The following SEMA3A variants were observed in gnomAD, a reference collection of about 807,000 sequenced individuals.
The protein encoded by SEMA3A is semaphorin 3A, also known as semaphorin-3A.
Under a neutral mutation model 97.9 loss-of-function variants are expected in SEMA3A, and 29 were observed. That is an observed-to-expected ratio of 0.30 (90% CI 0.22 to 0.40). SEMA3A has a LOEUF of 0.40. Among genes scored for constraint, SEMA3A ranks in the 10% least tolerant of loss-of-function variants. The pLI is 1.00. For missense variants in SEMA3A, 763 were observed against 951.3 expected (o/e 0.80, Z 2.60); for synonymous variants, 321 against 323.7 (o/e 0.99, Z 0.09).
Position 83,974,914 on chromosome 7 carries a change from A to G in SEMA3A, c.1717+2218T>C, listed in dbSNP as rs999584436. ...GTTTACCACAACCCTCCCCCAAAAG[A>G]CCCTGTAACACTGAACAGTTGCACT... On this transcript the variant is annotated intron_variant, in intron 15 of 16. Coordinates refer to ENST00000265362, the MANE Select transcript of SEMA3A (RefSeq NM_006080.3). Among the ~76,000 whole-genome samples the G allele has an allele frequency of 2.0e-5, 3 of 151,950 alleles. 1 individual carries two copies. Among genetic ancestry groups the G allele is most frequent in the Non-Finnish European group, 4.4e-5 (3 of 67,978 alleles).
intron 4 of SEMA3A, among the ~76,000 whole-genome samples, chr7:84,098,651 G>T (rs576351720): frequency 6.6e-6 from 1 of 152,040 alleles, no homozygotes; most frequent in Admixed American, 6.6e-5. Context: ...TTTCAAGAAG[G>T]TTCTTGATAA....
chr7:84,005,399 T>C lies in SEMA3A; in HGVS notation c.1300A>G (p.Ile434Val). Residue 434 changes from isoleucine to valine, a missense_variant, in exon 11 of 17, where the codon ATT (isoleucine) becomes GTT (valine). Coordinates refer to ENST00000265362, the MANE Select transcript of SEMA3A (RefSeq NM_006080.3). ...KTDVNYQFTQ[I>V]VVDRVDAEDG... The stretch of plus-strand genomic sequence containing the variant: ...TCTGCATCCACTCGGTCTACGACAA[T>C]TTGTGTAAATTGATAATTTACATCC... The C allele has an allele frequency of 6.2e-7, 1 of 1,613,800 alleles. No homozygotes were observed. The highest frequency in any genetic ancestry group is 8.5e-7 in the Non-Finnish European group (1 of 1,179,776).
At chr7:84,476,622 C>G (rs1415771531) in intron 1 of SEMA3A, among the ~76,000 whole-genome samples, 1 of 151,968 alleles carries the variant, frequency 6.6e-6, no homozygotes, top group Admixed American at 6.6e-5. Context: ...TATTGTGTTG[C>G]TATTACCTAG....
At chr7:84,390,016 A>T (rs2116170549) in intron 1 of SEMA3A, among the ~76,000 whole-genome samples, 1 of 152,268 alleles carries the variant, frequency 6.6e-6, no homozygotes, top group African/African-American at 2.4e-5. Flanking sequence ...AAGCTATCTA[A>T]TTTCTTAACA....
chr7:83,958,491 G>A lies in SEMA3A; in HGVS notation c.*2880C>T, dbSNP rs1292090898. On this transcript the variant is annotated 3_prime_UTR_variant, in exon 17 of 17. Coordinates refer to ENST00000265362, the MANE Select transcript of SEMA3A (RefSeq NM_006080.3). ...AAGATATGGAACATATTTCCTACCTGGCAAAAAACATGCTTATTGAACGGG... is the reference window on the plus strand; with the variant it reads ...AAGATATGGAACATATTTCCTACCTAGCAAAAAACATGCTTATTGAACGGG... The A allele has an allele frequency of 2.0e-5, 3 of 152,324 alleles. No homozygotes were observed. Among genetic ancestry groups the A allele is most frequent in the East Asian group, 3.9e-4 (2 of 5,194 alleles). 9.4% of individuals were successfully genotyped at this position (152,324 alleles called of 1,614,324 possible).
At chr7:84,246,711 A>C (rs1799484650) in intron 3 of SEMA3A, among the ~76,000 whole-genome samples, 1 of 152,020 alleles carries the variant, frequency 6.6e-6, no homozygotes, top group Non-Finnish European at 1.5e-5. Context: ...TCCTCTTCTC[A>C]TGGGAGGACA....
intron 3 of SEMA3A, among the ~76,000 whole-genome samples, chr7:84,217,506 CTAAA>C (rs1461392133): frequency 6.6e-6 from 1 of 152,028 alleles, no homozygotes. Flanking sequence ...ATATGGCTTA[CTAAA>C]TCTACCATGT....
chr7:84,419,493 T>C (rs916696634), intron 1 of SEMA3A, among the ~76,000 whole-genome samples: 2 of 151,308 alleles, frequency 1.3e-5, no homozygotes, highest in African/African-American at 2.4e-5. Flanking sequence ...CTTCAAAACA[T>C]TGTAAGGCAA....
At chr7:84,091,357 A>G (rs79218342) in intron 4 of SEMA3A, among the ~76,000 whole-genome samples, 59,028 of 145,788 alleles carry the variant, frequency 0.4, 14,001 homozygotes, top group Non-Finnish European at 0.52. Context: ...AGGAAGGAAG[A>G]AAGGAAGAAA....
At chr7:83,995,245 C>T (rs1452599347) in intron 12 of SEMA3A, among the ~76,000 whole-genome samples, 2 of 152,126 alleles carry the variant, frequency 1.3e-5, no homozygotes, top group Admixed American at 6.5e-5. Flanking sequence ...GAACCCGGTA[C>T]CTCAGATGGA....
At chr7:84,379,229 G>T (rs961587710) in intron 1 of SEMA3A, among the ~76,000 whole-genome samples, 1 of 151,872 alleles carries the variant, frequency 6.6e-6, no homozygotes, top group African/African-American at 2.4e-5. Context: ...GCCCAGCCGT[G>T]ACAATATTTT....
intron 5 of SEMA3A, among the ~76,000 whole-genome samples, chr7:84,049,281 G>A (rs1056189959): frequency 3.3e-5 from 5 of 151,890 alleles, no homozygotes; most frequent in Non-Finnish European, 7.4e-5. Flanking sequence ...GGCCATGAAG[G>A]GCACATTCCC....
In SEMA3A at chr7:84,005,468, T is replaced by G. The variant is rs1276097785; in HGVS notation, c.1231A>C (p.Asn411His). 2 of 1,613,988 alleles carry G rather than the reference T, an allele frequency of 1.2e-6. No individual in the cohort carries two copies. The highest frequency in any genetic ancestry group is 2.2e-5 in the East Asian group (1 of 44,856). The change falls in exon 11 of 17, where the codon AAT becomes CAT. Residue 411 changes from asparagine (N) to histidine (H), a missense_variant. This residue lies in a region of SEMA3A where 678 missense variants were observed against 881.3 expected (regional missense o/e 0.77). Coordinates refer to ENST00000265362, the MANE Select transcript of SEMA3A (RefSeq NM_006080.3). ...CGATTGTTCATAGGAAACACTGGAT[T>G]GTACATGGCTGGATGACTTCTTGCA... ...TFARSHPAMYNPVFPMNNRPI... is the reference protein window; with the variant it reads ...TFARSHPAMYHPVFPMNNRPI...
intron 5 of SEMA3A, among the ~76,000 whole-genome samples, chr7:84,052,814 A>G (rs1195068571): frequency 1.0e-4 from 15 of 149,874 alleles, no homozygotes; most frequent in Non-Finnish European, 1.9e-4. Flanking sequence ...TAGGGTGTCA[A>G]TTTTGGATCT....
chr7:84,164,210 T>C (rs1584065304), intron 1 of SEMA3A, among the ~76,000 whole-genome samples: 1 of 152,278 alleles, frequency 6.6e-6, no homozygotes, highest in South Asian at 2.1e-4. Context: ...ATTTTTAAAA[T>C]ACTTGAATAA....
At chr7:84,094,205 G>A (rs910616312) in intron 4 of SEMA3A, among the ~76,000 whole-genome samples, 1 of 152,008 alleles carries the variant, frequency 6.6e-6, no homozygotes, top group African/African-American at 2.4e-5. Context: ...TTACACTTCT[G>A]GTCTGCTGCC....
intron 3 of SEMA3A, 106 bp downstream of exon 3, chr7:84,129,017 C>A: frequency 1.2e-6 from 1 of 813,156 alleles, no homozygotes; most frequent in South Asian, 1.5e-5. Context: ...ATTCTAACCC[C>A]TTCCCCACAC....
At chr7:84,488,910 T>C (rs1806650953) in intron 1 of SEMA3A, among the ~76,000 whole-genome samples, 1 of 152,154 alleles carries the variant, frequency 6.6e-6, no homozygotes, top group South Asian at 2.1e-4. Flanking sequence ...AACTTTCCAC[T>C]AATAACGAAG....
upstream of SEMA3A, among the ~76,000 whole-genome samples, chr7:84,196,458 A>C (rs981441205): frequency 6.6e-6 from 1 of 152,032 alleles, no homozygotes; most frequent in Non-Finnish European, 1.5e-5. Context: ...GGATTTAAAG[A>C]GGGGGAGAAT....
Sources: allele counts gnomAD v4.1 joint callset (sites outside exome capture counted in the v4.1 genomes callset), GRCh38; gene constraint gnomAD v4.1.1; regional missense constraint gnomAD v4.1.1; transcripts MANE v1.5; gene names NCBI Gene and HGNC (gene_info 2026-07-23, HGNC 2026-07-21).